Variants in PRKCA observed in about 807,000 individuals in gnomAD.
The protein encoded by PRKCA is protein kinase C alpha.
Under a neutral mutation model 87.0 loss-of-function variants are expected in PRKCA, and 27 were observed. The observed-to-expected ratio is 0.31, with a 90% CI of 0.23 to 0.43. The LOEUF is 0.43. PRKCA is among the 20% of genes least tolerant of loss of function. The probability of loss-of-function intolerance (pLI) is 1.00; values close to 1 mark genes in which losing one functional copy is unlikely to be tolerated. For missense variants in PRKCA, 518 were observed against 852.3 expected (o/e 0.61, Z 4.88); for synonymous variants, 329 against 311.1 (o/e 1.06, Z -0.61).
intron 2 of PRKCA, among the ~76,000 whole-genome samples, chr17:66,362,648 C>T (rs900404375): frequency 1.3e-5 from 2 of 151,458 alleles, no homozygotes; most frequent in Non-Finnish European, 1.5e-5. Context: ...TTTCTGTCTC[C>T]CTCAACTAGT....
At chr17:66,626,204 T>C (rs1396627351) in intron 3 of PRKCA, among the ~76,000 whole-genome samples, 1 of 148,532 alleles carries the variant, frequency 6.7e-6, no homozygotes, top group Non-Finnish European at 1.5e-5. Context: ...TTTCTTTTCT[T>C]TTTTTTTTTT....
At position 66,561,642 on chromosome 17, in the gene PRKCA, A is replaced by G. The variant is rs112246122; in HGVS notation, c.288+65359A>G. 2.7e-4 allele frequency among the ~76,000 whole-genome samples: 41 copies of G among 152,290 alleles called. 2 individuals carry two copies. The highest frequency in any genetic ancestry group is 9.6e-4 in the African/African-American group (40 of 41,552). Reference sequence around the variant, plus strand: ...AGCAGCAACATTCACAATAGATAAGAGGTAGAAGCAACCCAAGTGCCTATT... The same window carrying G: ...AGCAGCAACATTCACAATAGATAAGGGGTAGAAGCAACCCAAGTGCCTATT... On this transcript the variant is annotated intron_variant, in intron 3 of 16. Transcript: ENST00000413366.
chr17:66,368,381 T>TG (rs1908878153), intron 2 of PRKCA, among the ~76,000 whole-genome samples: 1 of 33,994 alleles, frequency 2.9e-5, no homozygotes, highest in African/African-American at 7.8e-5. Flanking sequence ...TATATATATA[T>TG]ATATATTTTT....
chr17:66,343,345 C>A (rs1017838899), intron 2 of PRKCA, among the ~76,000 whole-genome samples: 2 of 152,114 alleles, frequency 1.3e-5, no homozygotes, highest in Admixed American at 6.6e-5. Flanking sequence ...TCACTTTCTT[C>A]CCCCCTTGTC....
At chr17:66,706,883 C>T (rs1047538383) in intron 8 of PRKCA, among the ~76,000 whole-genome samples, 1 of 152,118 alleles carries the variant, frequency 6.6e-6, no homozygotes, top group Non-Finnish European at 1.5e-5. Flanking sequence ...TGGTCCTTTA[C>T]ATAAAAAGTT....
intron 3 of PRKCA, among the ~76,000 whole-genome samples, chr17:66,530,175 T>A (rs1967491376): frequency 1.3e-5 from 2 of 152,244 alleles, no homozygotes; most frequent in Admixed American, 1.3e-4. Context: ...TCAAAGATTT[T>A]GAACAGTCAT....
intron 8 of PRKCA, among the ~76,000 whole-genome samples, chr17:66,706,577 G>C (rs1437479733): frequency 6.6e-6 from 1 of 151,450 alleles, no homozygotes; most frequent in African/African-American, 2.4e-5. Context: ...GGCGGAGCTT[G>C]CAGTGAGCCG....
At chr17:66,622,344 A>G (rs1970710619) in intron 3 of PRKCA, among the ~76,000 whole-genome samples, 1 of 152,232 alleles carries the variant, frequency 6.6e-6, no homozygotes, top group African/African-American at 2.4e-5. Context: ...TAACAGAGGA[A>G]AGCCAATTAC....
chr17:66,778,288 C>T lies in PRKCA; in HGVS notation c.1605+4221C>T, dbSNP rs552509828. 2.9e-4 allele frequency: 250 copies of T among 864,934 alleles called. No homozygotes were observed. In the African/African-American group the frequency reaches 3.8e-3, roughly 13 times the overall value. The allele number at this position is 864,934 out of a possible 1,614,324, so 53.6% of individuals were successfully genotyped here. On this transcript the variant is annotated intron_variant, in intron 14 of 16. Transcript: ENST00000413366. ...CAGCACTTCGGGAGGCCGAGGCGGGCGGATCACGAGGTCAGGAGATTGAGA... is the reference window on the plus strand; with the variant it reads ...CAGCACTTCGGGAGGCCGAGGCGGGTGGATCACGAGGTCAGGAGATTGAGA...
chr17:66,482,451 C>T (rs1338984397), intron 2 of PRKCA, among the ~76,000 whole-genome samples: 1 of 152,138 alleles, frequency 6.6e-6, no homozygotes, highest in African/African-American at 2.4e-5. Flanking sequence ...TTCTGAAGTT[C>T]ATTCTCAGAC....
At chr17:66,782,662 C>T (rs1598939862) in intron 14 of PRKCA, among the ~76,000 whole-genome samples, 1 of 152,256 alleles carries the variant, frequency 6.6e-6, no homozygotes, top group African/African-American at 2.4e-5. Flanking sequence ...GAACTCATCA[C>T]TGCATATTGT....
Position 66,689,145 on chromosome 17 carries a change from A to T in PRKCA, c.918+98A>T. ...GGTCACATTTTTGAAAAGCAAAAAAAAAGTAATCTCAATGTTAATGATCTT... is the reference window on the plus strand; with the variant it reads ...GGTCACATTTTTGAAAAGCAAAAAATAAGTAATCTCAATGTTAATGATCTT... On this transcript the variant is annotated intron_variant, in intron 8 of 16. Coordinates refer to ENST00000413366, the MANE Select transcript of PRKCA (RefSeq NM_002737.3). This position sits in a 1 kb window ranked among gnomAD's most constrained non-coding sequence, Gnocchi z 4.1. 1 of 673,410 alleles carries T rather than the reference A, an allele frequency of 1.5e-6. No homozygotes were observed. The highest frequency in any genetic ancestry group is 2.5e-6 in the Non-Finnish European group (1 of 406,426). 41.7% of individuals were successfully genotyped at this position (673,410 alleles called of 1,614,324 possible). A position where few individuals can be genotyped will look rare whatever the true frequency, so the allele number is the denominator to read the frequency against.
rs1197445382 is a variant in PRKCA, at chr17:66,804,913, A to T, written c.*876A>T. 1.2e-6 allele frequency: 1 copy of T among 843,678 alleles called. No individual in the cohort carries two copies. Among genetic ancestry groups the T allele is most frequent in the African/African-American group, 1.9e-5 (1 of 51,528 alleles). 52.3% of individuals were successfully genotyped at this position (843,678 alleles called of 1,614,324 possible). On this transcript the variant is annotated 3_prime_UTR_variant, in exon 17 of 17. Coordinates refer to ENST00000413366, the MANE Select transcript of PRKCA (RefSeq NM_002737.3). ...TCACCAGTGTTGTTCACCAACACCC[A>T]CCCCCACACACACCAACATTTTGCT...
intron 2 of PRKCA, among the ~76,000 whole-genome samples, chr17:66,346,387 A>C (rs552242333): frequency 3.3e-5 from 5 of 150,328 alleles, no homozygotes; most frequent in Admixed American, 2.7e-4. Flanking sequence ...CTGAGCCACC[A>C]CGCCCTGCTG....
At chr17:66,377,701 TTATA>T (rs1276051811) in intron 2 of PRKCA, among the ~76,000 whole-genome samples, 3 of 77,944 alleles carry the variant, frequency 3.8e-5, no homozygotes, top group East Asian at 4.2e-4. Context: ...AGTCTATGTT[TTATA>T]TATATATATA....
intron 3 of PRKCA, among the ~76,000 whole-genome samples, chr17:66,534,767 A>T (rs1041361327): frequency 1.3e-5 from 2 of 152,208 alleles, no homozygotes; most frequent in African/African-American, 4.8e-5. Flanking sequence ...TGGACAAGTG[A>T]ACCTTCTTAA....
rs1975945883 is a variant in PRKCA, at chr17:66,803,379, G to A, written c.1855-494G>A. 6.6e-6 allele frequency among the ~76,000 whole-genome samples: 1 copy of A among 152,192 alleles called. No homozygotes were observed. Among genetic ancestry groups the A allele is most frequent in the African/African-American group, 2.4e-5 (1 of 41,444 alleles). On this transcript the variant is annotated intron_variant, in intron 16 of 16. Transcript: ENST00000413366. This position sits in a 1 kb window ranked among gnomAD's most constrained non-coding sequence, Gnocchi z 4.4. ...CTGGGGTTGCTGGAGCAGCCCAGTA[G>A]GAAGGCAAGGATAACACAGTTTTTA...
rs117787820 is a variant in PRKCA at position 66,538,966 on chromosome 17, A to C, written c.288+42683A>C. On this transcript the variant is annotated intron_variant, in intron 3 of 16. Transcript: ENST00000413366. ...CCCTCATCGAAGGCATAGGCATATT[A>C]ACAGTTATGCTGCCAGACTTTTATC... 4.7e-4 allele frequency among the ~76,000 whole-genome samples: 71 copies of C among 152,324 alleles called. No homozygotes were observed. The East Asian group carries it at 0.011, about 24-fold the overall frequency.
chr17:66,589,984 G>C (rs917870), intron 3 of PRKCA, among the ~76,000 whole-genome samples: 50,988 of 151,964 alleles, frequency 0.34, 8,929 homozygotes, highest in African/African-American at 0.38. Context: ...CATGCCGCCG[G>C]TGATCTGACG....
Sources: gnomAD v4.1 joint callset for allele counts (sites outside exome capture counted in the v4.1 genomes callset) on GRCh38, gnomAD v4.1.1 for gene constraint, Gnocchi (gnomAD v3.1) non-coding constraint, MANE v1.5 for transcripts, NCBI Gene and HGNC (gene_info 2026-07-23, HGNC 2026-07-21) for gene names.